KIAA1586: variants seen among roughly 807,000 people sequenced by gnomAD.
The protein encoded by KIAA1586 is E3 SUMO-protein ligase KIAA1586.
In KIAA1586, 5 loss-of-function variants were observed where a neutral mutation model predicts 6.1. That is an observed-to-expected ratio of 0.82 (90% confidence interval 0.43 to 1.73). The LOEUF (loss-of-function observed/expected upper bound fraction) is 1.73. Ranked by LOEUF, KIAA1586 falls within the 40% of genes most tolerant of loss-of-function variation. KIAA1586 has a pLI of 0.02. For synonymous variants in KIAA1586, 280 were observed against 301.7 expected, an observed-to-expected ratio of 0.93 and a Z score of 0.75; for missense variants, 899 against 878.2, an observed-to-expected ratio of 1.02 and a Z score of -0.30.
chr6:57,059,503 A>G (rs1335734485), downstream of KIAA1586, among the ~76,000 whole-genome samples: 2 of 151,346 alleles, frequency 1.3e-5, no homozygotes, highest in East Asian at 1.9e-4. Context: ...AGGCAGGAGA[A>G]TGGCGTGAAC....
At chr6:57,061,946 T>G in the KIAA1586 span, among the ~76,000 whole-genome samples, 1 of 151,720 alleles carries the variant, frequency 6.6e-6, no homozygotes, top group South Asian at 2.1e-4. Context: ...CTTTTTTTTT[T>G]TTTTAGACAG....
chr6:57,058,739 A>G (rs1593053707), downstream of KIAA1586, among the ~76,000 whole-genome samples: 1 of 152,346 alleles, frequency 6.6e-6, no homozygotes, highest in East Asian at 1.9e-4. Flanking sequence ...AACACGAGTC[A>G]GTATGCTTGA....
At chr6:57,065,319 T>G in the KIAA1586 span, among the ~76,000 whole-genome samples, 5 of 152,260 alleles carry the variant, frequency 3.3e-5, no homozygotes, top group East Asian at 9.6e-4. Context: ...TAAGGCTACC[T>G]ACCAATGTGC....
rs888423927 is a variant in KIAA1586 at position 57,054,779 on chromosome 6, C to T, written c.2280C>T (p.His760=). 25 of 1,551,244 alleles carry T rather than the reference C, an allele frequency of 1.6e-5. No homozygotes were observed. In the African/African-American group the frequency reaches 3.1e-4, roughly 20 times the overall value. Residue 760 remains histidine, a synonymous_variant, in exon 4 of 4, where the codon CAC becomes CAT. Coordinates refer to ENST00000370733, the MANE Select transcript of KIAA1586 (RefSeq NM_020931.4). ...PFVKSWSNCN[H]RLATDTRVRQ... is the part of the protein sequence containing the mutation. ...TAAAATCTTGGTCAAATTGCAACCA[C>T]AGGTTGGCTACAGATACAAGAGTTC...
In KIAA1586 at chr6:57,053,529, C is replaced by A. The variant is rs752195329; in HGVS notation, c.1030C>A (p.Pro344Thr). Residue 344 changes from proline to threonine, a missense_variant, in exon 4 of 4, where the codon CCT becomes ACT. Physicochemically the swap from Pro to Thr is conservative, Grantham distance 38. Coordinates refer to ENST00000370733, the MANE Select transcript of KIAA1586 (RefSeq NM_020931.4). ...LQCTIQSAPAPVMLFVALKEL... is the reference protein window; with the variant it reads ...LQCTIQSAPATVMLFVALKEL... ...GTGCACAATTCAGTCAGCTCCTGCA[C>A]CTGTTATGTTATTTGTGGCTTTAAA... 1 of 1,613,526 alleles carries A rather than the reference C, an allele frequency of 6.2e-7. No individual in the cohort carries two copies. Among genetic ancestry groups the A allele is most frequent in the South Asian group, 1.1e-5 (1 of 91,066 alleles).
the KIAA1586 span, among the ~76,000 whole-genome samples, chr6:57,066,612 T>G: frequency 6.6e-6 from 1 of 152,162 alleles, no homozygotes; most frequent in Non-Finnish European, 1.5e-5. Flanking sequence ...AACTGACTTG[T>G]TAAAAATAGA....
In KIAA1586 at chr6:57,054,748, C is replaced by T. The variant is rs1828460443; in HGVS notation, c.2249C>T (p.Pro750Leu). ...GAATTAGCAGATTGGGATGCAACAC[C>T]GTTTGTAAAATCTTGGTCAAATTGC... is the stretch of plus-strand genomic sequence containing the variant. ...GKELADWDATPFVKSWSNCNH... is the reference protein window; with the variant it reads ...GKELADWDATLFVKSWSNCNH... Residue 750 changes from proline (P) to leucine (L), a missense_variant, in exon 4 of 4, where the codon CCG becomes CTG. Transcript: ENST00000370733. 6 of 1,551,218 alleles carry T rather than the reference C, an allele frequency of 3.9e-6. No individual in the cohort carries two copies. The highest frequency in any genetic ancestry group is 5.2e-6 in the Non-Finnish European group (6 of 1,146,774).
downstream of KIAA1586, among the ~76,000 whole-genome samples, chr6:57,058,431 TTA>T (rs1338350636): frequency 6.6e-6 from 1 of 152,226 alleles, no homozygotes; most frequent in Non-Finnish European, 1.5e-5. Flanking sequence ...TTTAGTGATC[TTA>T]TATACCCTGT....
chr6:57,053,779 TTGA>T lies in KIAA1586; in HGVS notation c.1285_1287del (p.Asp429del), dbSNP rs1479946091. 3 of 1,572,812 alleles carry T rather than the reference TTGA, an allele frequency of 1.9e-6. No homozygotes were observed. Among genetic ancestry groups the T allele is most frequent in the Non-Finnish European group, 1.7e-6 (2 of 1,158,240 alleles). ...TTAAATCATCGATTACAATTGTCAC[TTGA>T]TGATTCTATATCCGAAATAAAACAA... On this transcript the variant is annotated inframe_deletion, in exon 4 of 4. Coordinates refer to ENST00000370733, the MANE Select transcript of KIAA1586 (RefSeq NM_020931.4).
the KIAA1586 span, among the ~76,000 whole-genome samples, chr6:57,061,553 C>T: frequency 6.6e-6 from 1 of 152,024 alleles, no homozygotes; most frequent in African/African-American, 2.4e-5. Context: ...CCATCATGCT[C>T]AGCTAATTTT....
downstream of KIAA1586, among the ~76,000 whole-genome samples, chr6:57,058,957 C>G (rs1173106137): frequency 6.6e-6 from 1 of 151,950 alleles, no homozygotes; most frequent in Non-Finnish European, 1.5e-5. Context: ...GGTCCAAAGT[C>G]AAATCAATTA....
At chr6:57,062,583 C>G in the KIAA1586 span, among the ~76,000 whole-genome samples, 2 of 152,082 alleles carry the variant, frequency 1.3e-5, no homozygotes, top group African/African-American at 2.4e-5. Flanking sequence ...AGATGGCCAG[C>G]AATAGTTTAA....
chr6:57,059,368 G>A (rs1313842033), downstream of KIAA1586, among the ~76,000 whole-genome samples: 4 of 151,960 alleles, frequency 2.6e-5, no homozygotes, highest in South Asian at 2.1e-4. Context: ...CGAGGTGGGC[G>A]GATCACAAGG....
At chr6:57,050,247 T>G (rs1593047512) in intron 2 of KIAA1586, among the ~76,000 whole-genome samples, 1 of 110,746 alleles carries the variant, frequency 9.0e-6, no homozygotes, top group African/African-American at 4.3e-5. Context: ...CATTATTATG[T>G]TTTTTTTTTT....
At chr6:57,065,996 G>A in the KIAA1586 span, among the ~76,000 whole-genome samples, 1 of 151,950 alleles carries the variant, frequency 6.6e-6, no homozygotes, top group African/African-American at 2.4e-5. Flanking sequence ...CTAATTTCTG[G>A]TTGGGTGTGG....
downstream of KIAA1586, among the ~76,000 whole-genome samples, chr6:57,059,657 A>G (rs986571182): frequency 6.6e-6 from 1 of 151,816 alleles, no homozygotes; most frequent in African/African-American, 2.4e-5. Flanking sequence ...ACTACCCTAT[A>G]TGATAGTTAC....
chr6:57,062,319 A>G, the KIAA1586 span, among the ~76,000 whole-genome samples: 1 of 152,222 alleles, frequency 6.6e-6, no homozygotes, highest in Non-Finnish European at 1.5e-5. Flanking sequence ...ATAGAAGGGT[A>G]ATTGACAGTA....
chr6:57,057,524 G>A (rs1470947365), downstream of KIAA1586, among the ~76,000 whole-genome samples: 1 of 152,074 alleles, frequency 6.6e-6, no homozygotes, highest in East Asian at 1.9e-4. Context: ...GGAGGCCGAG[G>A]CAGGTGGATC....
chr6:57,046,923 T>A, intron 1 of KIAA1586, 147 bp downstream of exon 1: 1 of 1,129,672 alleles, frequency 8.9e-7, no homozygotes, highest in Non-Finnish European at 1.2e-6. Context: ...TGGGGCCTGG[T>A]GCGTGTCTGA....
Sources: allele counts gnomAD v4.1 joint callset (sites outside exome capture counted in the v4.1 genomes callset), GRCh38; gene constraint gnomAD v4.1.1; transcripts MANE v1.5; gene names NCBI Gene and HGNC (gene_info 2026-07-23, HGNC 2026-07-21).